ERBIN: variants seen among roughly 807,000 people sequenced by gnomAD.
ERBIN encodes erbb2 interacting protein.
ERBIN carries 60 observed loss-of-function variants against 158.4 expected under a neutral mutation model. The ratio of observed to expected loss-of-function variants is 0.38; its 90% CI spans 0.31 to 0.47. The LOEUF is 0.47. ERBIN is among the 20% of genes least tolerant of loss of function. The pLI, the probability that ERBIN is intolerant of heterozygous loss-of-function variation, is 0.99. For synonymous variants in ERBIN, 594 were observed against 557.2 expected (o/e 1.07, Z -0.93); for missense variants, 1,610 against 1,648.0 (o/e 0.98, Z 0.40).
chr5:65,986,121 C>G (rs192870364), intron 1 of ERBIN, among the ~76,000 whole-genome samples: 1 of 152,234 alleles, frequency 6.6e-6, no homozygotes, highest in Admixed American at 6.5e-5. Context: ...CATCTTATTT[C>G]ATTGCTTTAA....
chr5:65,960,699 C>T (rs932513454), intron 1 of ERBIN, among the ~76,000 whole-genome samples: 18 of 152,092 alleles, frequency 1.2e-4, no homozygotes, highest in African/African-American at 4.1e-4. Context: ...GCATTGCTAT[C>T]CTTGACAAGA....
At chr5:65,983,154 TA>T (rs1361256664) in intron 1 of ERBIN, among the ~76,000 whole-genome samples, 2 of 152,222 alleles carry the variant, frequency 1.3e-5, no homozygotes, top group Non-Finnish European at 2.9e-5. Flanking sequence ...TTAGGCTAAC[TA>T]TAGTTTGATA....
At chr5:65,999,610 A>G (rs1168606160) in intron 4 of ERBIN, among the ~76,000 whole-genome samples, 1 of 152,186 alleles carries the variant, frequency 6.6e-6, no homozygotes, top group Non-Finnish European at 1.5e-5. Flanking sequence ...GATCATGTAC[A>G]GCATTTAGTT....
chr5:66,047,890 A>C (rs1758605403), intron 18 of ERBIN, among the ~76,000 whole-genome samples: 1 of 151,980 alleles, frequency 6.6e-6, no homozygotes, highest in African/African-American at 2.4e-5. Context: ...AAGGTGGCAG[A>C]ATGGATAAGT....
At chr5:66,049,053 T>C (rs1015963416) in intron 19 of ERBIN, among the ~76,000 whole-genome samples, 6 of 152,194 alleles carry the variant, frequency 3.9e-5, no homozygotes, top group African/African-American at 1.4e-4. Flanking sequence ...ACTTATCTGC[T>C]GTGTAATCCT....
At chr5:65,998,686 C>A (rs957950734) in intron 4 of ERBIN, among the ~76,000 whole-genome samples, 1 of 151,950 alleles carries the variant, frequency 6.6e-6, no homozygotes, top group African/African-American at 2.4e-5. Flanking sequence ...CCCTTGAGCT[C>A]AGGAGTTTGA....
chr5:65,950,833 T>C (rs941577372), intron 1 of ERBIN, among the ~76,000 whole-genome samples: 5 of 152,166 alleles, frequency 3.3e-5, no homozygotes, highest in Non-Finnish European at 7.3e-5. Flanking sequence ...TTAAGGGGTA[T>C]GTCATTGGCA....
chr5:65,951,293 A>G (rs1746475134), intron 1 of ERBIN, among the ~76,000 whole-genome samples: 1 of 152,178 alleles, frequency 6.6e-6, no homozygotes. Flanking sequence ...TCTCTCTTGC[A>G]TTAGAAATAA....
intron 7 of ERBIN, among the ~76,000 whole-genome samples, chr5:66,016,679 T>A (rs1754774220): frequency 6.6e-6 from 1 of 151,356 alleles, no homozygotes; most frequent in East Asian, 1.9e-4. Flanking sequence ...AGTGGCATGA[T>A]CTCGGTTCAC....
chr5:65,969,623 T>G (rs931774921), intron 1 of ERBIN, among the ~76,000 whole-genome samples: 7 of 152,226 alleles, frequency 4.6e-5, no homozygotes, highest in Non-Finnish European at 8.8e-5. Flanking sequence ...GATTTATTGG[T>G]AGGCTTTTTG....
At chr5:66,044,551 G>T (rs1470397362) in intron 17 of ERBIN, among the ~76,000 whole-genome samples, 1 of 149,356 alleles carries the variant, frequency 6.7e-6, no homozygotes, top group Non-Finnish European at 1.5e-5. Flanking sequence ...GATCACTTGA[G>T]GTCAGGAGTT....
intron 20 of ERBIN, among the ~76,000 whole-genome samples, chr5:66,051,721 A>G (rs1759035847): frequency 6.6e-6 from 1 of 151,256 alleles, no homozygotes; most frequent in Non-Finnish European, 1.5e-5. Context: ...GTGAAACCCC[A>G]TCTCTACCAA....
At chr5:65,958,297 G>A (rs994797303) in intron 1 of ERBIN, among the ~76,000 whole-genome samples, 13 of 152,234 alleles carry the variant, frequency 8.5e-5, no homozygotes, top group South Asian at 6.2e-4. Flanking sequence ...GTCGCAAGCC[G>A]AGATCACGCC....
At chr5:66,046,241 G>C (rs1376013123) in intron 17 of ERBIN, 112 bp from the exon 18 acceptor site, 1 of 545,062 alleles carries the variant, frequency 1.8e-6, no homozygotes, top group African/African-American at 1.9e-5. Context: ...TTTCATGTTT[G>C]AGATTAGTCC....
At chr5:65,938,784 C>G (rs1744405411) in intron 1 of ERBIN, among the ~76,000 whole-genome samples, 1 of 152,180 alleles carries the variant, frequency 6.6e-6, no homozygotes, top group South Asian at 2.1e-4. Flanking sequence ...AACTCCTGAC[C>G]TTATGATCTG....
chr5:66,066,785 A>G (rs1366056244), intron 21 of ERBIN, among the ~76,000 whole-genome samples: 1 of 152,234 alleles, frequency 6.6e-6, no homozygotes, highest in Non-Finnish European at 1.5e-5. Context: ...ATCAGTATGT[A>G]ATGAACAACA....
intron 1 of ERBIN, among the ~76,000 whole-genome samples, chr5:65,941,109 T>A (rs561112763): frequency 6.6e-6 from 1 of 152,212 alleles, no homozygotes; most frequent in East Asian, 1.9e-4. Flanking sequence ...AAACAGATGC[T>A]TGAAGGCAGC....
chr5:66,028,138 T>C, intron 13 of ERBIN, 136 bp from the exon 14 acceptor site: 1 of 540,440 alleles, frequency 1.9e-6, no homozygotes, highest in Non-Finnish European at 3.2e-6. Context: ...TATATTGGAC[T>C]TTTCTCGATT....
intron 4 of ERBIN, among the ~76,000 whole-genome samples, chr5:66,007,861 C>T (rs902039965): frequency 6.6e-6 from 1 of 152,132 alleles, no homozygotes; most frequent in Non-Finnish European, 1.5e-5. Flanking sequence ...TTCTTAGCAG[C>T]AGCTAAGGAG....
Sources: gnomAD v4.1 joint callset for allele counts (sites outside exome capture counted in the v4.1 genomes callset) on GRCh38, gnomAD v4.1.1 for gene constraint, MANE v1.5 for transcripts, NCBI Gene and HGNC (gene_info 2026-07-23, HGNC 2026-07-21) for gene names.